Variants in MRTFA observed in about 807,000 individuals in gnomAD.
MRTFA encodes myocardin related transcription factor A.
In MRTFA, 20 loss-of-function variants were observed where a neutral mutation model predicts 83.5. That is an observed-to-expected ratio of 0.24 (90% confidence interval 0.17 to 0.35). The LOEUF (loss-of-function observed/expected upper bound fraction) is 0.35, where lower values mean the gene tolerates loss of function less well. Among genes scored for constraint, MRTFA ranks in the 10% least tolerant of loss-of-function variants. MRTFA has a pLI of 1.00. For missense variants in MRTFA, 1,200 were observed against 1,224.7 expected (o/e 0.98, Z 0.30); for synonymous variants, 659 against 541.2 (o/e 1.22, Z -3.02).
chr22:40,468,982 AAATT>A (rs1024786884), intron 3 of MRTFA, among the ~76,000 whole-genome samples: 6 of 152,250 alleles, frequency 3.9e-5, no homozygotes, highest in African/African-American at 1.4e-4. Context: ...ACTAGAAAGT[AAATT>A]AATAGATGTC....
chr22:40,498,267 ATATATATTTTTTTTT>A (rs2147215544), intron 3 of MRTFA, among the ~76,000 whole-genome samples: 1 of 89,172 alleles, frequency 1.1e-5, no homozygotes, highest in African/African-American at 5.1e-5. Flanking sequence ...ATATATATAT[ATATATATTTTTTTTT>A]TTTTTTTTTT....
At chr22:40,618,996 T>C (rs1457031808) in intron 1 of MRTFA, among the ~76,000 whole-genome samples, 1 of 150,666 alleles carries the variant, frequency 6.6e-6, no homozygotes, top group African/African-American at 2.4e-5. Flanking sequence ...ATTAAAAATA[T>C]ATATATATAT....
chr22:40,606,205 C>G (rs984419559), intron 1 of MRTFA, among the ~76,000 whole-genome samples: 2 of 151,764 alleles, frequency 1.3e-5, no homozygotes, highest in Non-Finnish European at 2.9e-5. Flanking sequence ...AAAGTCTGAA[C>G]AAGAATAAAT....
chr22:40,468,431 T>C (rs2053845461), intron 3 of MRTFA, among the ~76,000 whole-genome samples: 2 of 152,108 alleles, frequency 1.3e-5, no homozygotes, highest in South Asian at 4.1e-4. Flanking sequence ...GGGGTTAGTA[T>C]GGGAAGAACA....
intron 4 of MRTFA, among the ~76,000 whole-genome samples, chr22:40,448,969 C>A (rs540976413): frequency 1.8e-4 from 27 of 152,248 alleles, no homozygotes; most frequent in African/African-American, 5.1e-4. Flanking sequence ...TCTTAGAAAT[C>A]TGCCATTAAC....
At chr22:40,602,445 A>C (rs2187832) in intron 1 of MRTFA, among the ~76,000 whole-genome samples, 68,030 of 151,932 alleles carry the variant, frequency 0.45, 15,938 homozygotes, top group East Asian at 0.87. Flanking sequence ...CAATATTACA[A>C]ACAGAAGAAT....
intron 1 of MRTFA, among the ~76,000 whole-genome samples, chr22:40,619,273 G>C (rs2056490722): frequency 6.6e-6 from 1 of 151,424 alleles, no homozygotes; most frequent in Non-Finnish European, 1.5e-5. Flanking sequence ...AACTAAAGTA[G>C]AGAAAATCTG....
chr22:40,512,897 C>A (rs1277925083), intron 3 of MRTFA, among the ~76,000 whole-genome samples: 2 of 152,196 alleles, frequency 1.3e-5, no homozygotes, highest in Non-Finnish European at 2.9e-5. Flanking sequence ...TTAACTGATC[C>A]ATCTTTATCA....
intron 2 of MRTFA, among the ~76,000 whole-genome samples, chr22:40,583,606 T>C (rs2055981388): frequency 6.6e-6 from 1 of 152,206 alleles, no homozygotes; most frequent in Non-Finnish European, 1.5e-5. Flanking sequence ...GGGGAGCAAC[T>C]ATTACGGCCT....
chr22:40,587,815 G>A, intron 2 of MRTFA: 1 of 341,860 alleles, frequency 2.9e-6, no homozygotes, highest in Non-Finnish European at 5.8e-6. Context: ...ATTCAGCACT[G>A]GTCTGACGAC....
chr22:40,545,238 C>A (rs2055344683), intron 3 of MRTFA, among the ~76,000 whole-genome samples: 1 of 151,994 alleles, frequency 6.6e-6, no homozygotes, highest in Non-Finnish European at 1.5e-5. Flanking sequence ...AGTTCTCAGC[C>A]TAGAAGACAG....
chr22:40,473,203 A>T (rs1385283002), intron 3 of MRTFA, among the ~76,000 whole-genome samples: 1 of 152,180 alleles, frequency 6.6e-6, no homozygotes, highest in Non-Finnish European at 1.5e-5. Context: ...TCTGTTGTCC[A>T]GGCTGAAGTG....
chr22:40,463,366 A>G (rs1365527414), intron 3 of MRTFA, 80 bp from the exon 4 acceptor site: 1 of 1,227,922 alleles, frequency 8.1e-7, no homozygotes, highest in East Asian at 2.3e-5. Flanking sequence ...CAAACGCAAA[A>G]AAAGTCTAAA....
chr22:40,628,743 C>G (rs924043062), intron 1 of MRTFA, among the ~76,000 whole-genome samples: 1 of 152,174 alleles, frequency 6.6e-6, no homozygotes, highest in Non-Finnish European at 1.5e-5. Context: ...GCCTTAAATA[C>G]TGTGTGAGGA....
chr22:40,498,419 G>A lies in MRTFA; in HGVS notation c.242-35133C>T, dbSNP rs192039727. On this transcript the variant is annotated intron_variant, in intron 3 of 14. Transcript: ENST00000355630. ...CTCACCTCAGCCTCCCAAGTAGCGGGGACTAAGGTACAAGCTACCATGCCC... is the reference window on the plus strand; with the variant it reads ...CTCACCTCAGCCTCCCAAGTAGCGGAGACTAAGGTACAAGCTACCATGCCC... Among the ~76,000 whole-genome samples, 6 of 148,652 alleles carry A rather than the reference G, an allele frequency of 4.0e-5. No homozygotes were observed. The East Asian group carries it at 1.2e-3, about 30-fold the overall frequency.
intron 4 of MRTFA, among the ~76,000 whole-genome samples, chr22:40,454,321 G>A (rs2053546845): frequency 6.6e-6 from 1 of 152,128 alleles, no homozygotes; most frequent in Non-Finnish European, 1.5e-5. Flanking sequence ...TCGCCATGTT[G>A]TCCAGGCTGG....
At chr22:40,526,602 T>C (rs1158250802) in intron 3 of MRTFA, 1 of 152,192 alleles carries the variant, frequency 6.6e-6, no homozygotes, top group Non-Finnish European at 1.5e-5. Flanking sequence ...TGAATGAGAA[T>C]AACTGGCAGG....
intron 9 of MRTFA, among the ~76,000 whole-genome samples, chr22:40,422,926 G>A (rs997207764): frequency 1.1e-4 from 17 of 152,206 alleles, no homozygotes; most frequent in Non-Finnish European, 7.3e-5. Context: ...GGGAGGCGTG[G>A]GCCAGGCAGA....
At chr22:40,589,107 G>T (rs1434035882) in intron 2 of MRTFA, among the ~76,000 whole-genome samples, 1 of 152,038 alleles carries the variant, frequency 6.6e-6, no homozygotes, top group Non-Finnish European at 1.5e-5. Context: ...ATGGTTGGGG[G>T]GTGTATGGTT....
Sources: allele counts gnomAD v4.1 joint callset (sites outside exome capture counted in the v4.1 genomes callset), GRCh38; gene constraint gnomAD v4.1.1; transcripts MANE v1.5; gene names NCBI Gene and HGNC (gene_info 2026-07-23, HGNC 2026-07-21).